Variants in NR1D1 observed in about 807,000 individuals in gnomAD.
NR1D1 encodes the protein nuclear receptor subfamily 1 group D member 1.
A neutral mutation model predicts 51.1 loss-of-function variants in NR1D1; 17 were observed. That is an observed-to-expected ratio of 0.33 (90% CI 0.23 to 0.50). NR1D1 has a LOEUF of 0.50. Ranked by LOEUF, NR1D1 falls within the 20% of genes least tolerant of loss-of-function variation. NR1D1 has a pLI of 0.98. For missense variants in NR1D1, 647 were observed against 830.4 expected (o/e 0.78, Z 2.71); for synonymous variants, 341 against 333.4 (o/e 1.02, Z -0.25).
chr17:40,099,982 C>A (rs1408962036), intron 1 of NR1D1, 82 bp downstream of exon 1: 2 of 1,054,970 alleles, frequency 1.9e-6, no homozygotes, highest in African/African-American at 3.1e-5. Context: ...CAGTCCCTTA[C>A]AAAGTTCCTC....
chr17:40,097,426 G>A (rs767475455), intron 1 of NR1D1, 23 bp from the exon 2 acceptor site: 10 of 1,567,276 alleles, frequency 6.4e-6, no homozygotes, highest in Non-Finnish European at 7.8e-6. Flanking sequence ...CAAAAGGAAA[G>A]GGGGTGTCAG....
rs1339228012 is a variant in NR1D1, at chr17:40,097,199, C to T, written c.236G>A (p.Gly79Asp). ...GSIPPSLSDD[G>D]SPSSSSSSSS... ...CGAGGAAGATGAGGAAGAAGGGGAG[C>T]CGTCATCACTCAGGCTGGGTGGAAT... Residue 79 changes from glycine (G) to aspartate (D), a missense_variant, in exon 2 of 8, where the codon GGC becomes GAC. Around this residue, in one of 7 missense-constraint regions of NR1D1, gnomAD observed 98 missense variants for 94.7 expected, o/e 1.03. Coordinates refer to ENST00000246672, the MANE Select transcript of NR1D1 (RefSeq NM_021724.5). 6.2e-7 allele frequency: 1 copy of T among 1,611,074 alleles called. No individual in the cohort carries two copies. Among genetic ancestry groups the T allele is most frequent in the African/African-American group, 1.3e-5 (1 of 74,832 alleles).
intron 1 of NR1D1, among the ~76,000 whole-genome samples, chr17:40,098,984 G>T (rs971382835): frequency 6.7e-6 from 1 of 149,740 alleles, no homozygotes; most frequent in African/African-American, 2.5e-5. Context: ...GTCAGGAATG[G>T]CTCCATGTTA....
Position 40,093,476 on chromosome 17 carries a change from C to G in NR1D1, c.1646-194G>C. On this transcript the variant is annotated intron_variant, in intron 7 of 7. Coordinates refer to ENST00000246672, the MANE Select transcript of NR1D1 (RefSeq NM_021724.5). This position sits in a 1 kb window ranked among gnomAD's most constrained non-coding sequence, Gnocchi z 5.9. ...GCAGGAGGTGCCTGAAAGCTGGGAG[C>G]GTGGGCTCAGCAGGGCTGGTCACCT... 3.4e-6 allele frequency: 5 copies of G among 1,483,102 alleles called. No individual in the cohort carries two copies. The highest frequency in any genetic ancestry group is 4.5e-6 in the Non-Finnish European group (5 of 1,112,944). The allele number at this position is 1,483,102 out of a possible 1,614,324, so 91.9% of individuals were successfully genotyped here.
At chr17:40,095,235 A>T in intron 5 of NR1D1, 115 bp from the exon 6 acceptor site, 1 of 1,215,822 alleles carries the variant, frequency 8.2e-7, no homozygotes, top group Middle Eastern at 2.9e-4. Flanking sequence ...GCCCTGAAGG[A>T]TGGGTCTTTC....
At chr17:40,099,956 G>A (rs1987844528) in intron 1 of NR1D1, 108 bp downstream of exon 1, 2 of 835,012 alleles carry the variant, frequency 2.4e-6, no homozygotes, top group Admixed American at 1.9e-5. Context: ...GCAAATCTCC[G>A]GGCCGAGGGA....
In NR1D1 at chr17:40,094,116, T is replaced by C. The variant is rs1987695758; in HGVS notation, c.1441A>G (p.Met481Val). The change falls in exon 7 of 8, where the codon ATG becomes GTG. Residue 481 changes from methionine (M) to valine (V), a missense_variant. Physicochemically the swap from Met to Val is conservative, Grantham distance 21. Coordinates refer to ENST00000246672, the MANE Select transcript of NR1D1 (RefSeq NM_021724.5). ...TTGAACAACGAAGCAAAGCGCACCA[T>C]CAGCACCTAGGAGGGAAGGGGAACA... is the stretch of plus-strand genomic sequence containing the variant. ...LLKAGTFEVLMVRFASLFNVK... is the reference protein window; with the variant it reads ...LLKAGTFEVLVVRFASLFNVK... 6.2e-7 allele frequency: 1 copy of C among 1,613,876 alleles called. No individual in the cohort carries two copies. The highest frequency in any genetic ancestry group is 1.1e-5 in the South Asian group (1 of 91,078).
chr17:40,093,553 C>T lies in NR1D1; in HGVS notation c.1646-271G>A, dbSNP rs1225156753. The stretch of plus-strand genomic sequence containing the variant: ...CCTCAGCAGGCCAAACATGGCCAGA[C>T]TCCCTTGCTTTTTGCTGTGTAGTTC... On this transcript the variant is annotated intron_variant, in intron 7 of 7. Coordinates refer to ENST00000246672, the MANE Select transcript of NR1D1 (RefSeq NM_021724.5). This position sits in a 1 kb window ranked among gnomAD's most constrained non-coding sequence, Gnocchi z 5.9. 11 of 1,093,952 alleles carry T rather than the reference C, an allele frequency of 1.0e-5. No homozygotes were observed. Among genetic ancestry groups the T allele is most frequent in the Non-Finnish European group, 1.4e-5 (11 of 784,848 alleles). The allele number at this position is 1,093,952 out of a possible 1,614,324, so 67.8% of individuals were successfully genotyped here.
Position 40,096,678 on chromosome 17 carries a change from C to A in NR1D1, c.459+13G>T. ...GGCCACCTGCCCCTGCCCTTACCCC[C>A]AGTCCGCCTCACCTTGCAGCCCTCG... On this transcript the variant is annotated intron_variant, in intron 3 of 7. Coordinates refer to ENST00000246672, the MANE Select transcript of NR1D1 (RefSeq NM_021724.5). 1 of 1,614,170 alleles carries A rather than the reference C, an allele frequency of 6.2e-7. No homozygotes were observed. The highest frequency in any genetic ancestry group is 8.5e-7 in the Non-Finnish European group (1 of 1,179,986).
Position 40,099,985 on chromosome 17 carries a change from A to G in NR1D1, c.31+79T>C, listed in dbSNP as rs1598404335. 8.4e-6 allele frequency: 9 copies of G among 1,069,732 alleles called. No homozygotes were observed. In the East Asian group the frequency reaches 2.1e-4, roughly 25 times the overall value. 66.3% of individuals were successfully genotyped at this position (1,069,732 alleles called of 1,614,324 possible). On this transcript the variant is annotated intron_variant, in intron 1 of 7. Coordinates refer to ENST00000246672, the MANE Select transcript of NR1D1 (RefSeq NM_021724.5). ...CGAGGGACACCCCAGTCCCTTACAAAGTTCCTCTTTTTATAAGGCGTAGAT... is the reference window on the plus strand; with the variant it reads ...CGAGGGACACCCCAGTCCCTTACAAGGTTCCTCTTTTTATAAGGCGTAGAT...
intron 6 of NR1D1, among the ~76,000 whole-genome samples, chr17:40,094,685 G>A (rs2145099631): frequency 6.6e-6 from 1 of 152,352 alleles, no homozygotes; most frequent in Middle Eastern, 3.4e-3. Context: ...ATCACCTGGG[G>A]TCAGGAGTTT....
In NR1D1 at chr17:40,096,754, A is replaced by G. The variant is rs1180321782; in HGVS notation, c.396T>C (p.Cys132=). 3 of 1,614,132 alleles carry G rather than the reference A, an allele frequency of 1.9e-6. No individual in the cohort carries two copies. Among genetic ancestry groups the G allele is most frequent in the Admixed American group, 1.7e-5 (1 of 60,018 alleles). ...CCGAGGCAACGTCCCCACACACTTT[A>G]CACAGTAACACCATGCCATTCAGCT... The part of the protein sequence containing the change: ...ITKLNGMVLL[C]KVCGDVASGF... Residue 132 remains cysteine (C), a synonymous_variant, in exon 3 of 8, where the codon TGT becomes TGC. Coordinates refer to ENST00000246672, the MANE Select transcript of NR1D1 (RefSeq NM_021724.5).
intron 1 of NR1D1, 32 bp downstream of exon 1, chr17:40,100,032 G>C: frequency 6.5e-7 from 1 of 1,537,932 alleles, no homozygotes; most frequent in South Asian, 1.1e-5. Context: ...GACAGTGACA[G>C]GGAAAAGATG....
Position 40,095,058 on chromosome 17 carries a change from C to T in NR1D1, c.1311G>A (p.Glu437=), listed in dbSNP as rs1987721608. 2 of 1,614,104 alleles carry T rather than the reference C, an allele frequency of 1.2e-6. No homozygotes were observed. Among genetic ancestry groups the T allele is most frequent in the Non-Finnish European group, 1.7e-6 (2 of 1,180,030 alleles). ...CGGGCGTGAAGCTCATGGAGAAATC[C>T]TCCCAGATCTCCTGCACCGTTCGCC... ...RSGRTVQEIW[E]DFSMSFTPAV... Residue 437 remains glutamate (E), a synonymous_variant, in exon 6 of 8, where the codon GAG becomes GAA. Transcript: ENST00000246672.
intron 2 of NR1D1, 63 bp from the exon 3 acceptor site, chr17:40,096,842 G>C: frequency 1.3e-6 from 2 of 1,512,308 alleles, no homozygotes; most frequent in Non-Finnish European, 1.8e-6. Flanking sequence ...CAGGTGTGGA[G>C]GCTTTCTGGG....
chr17:40,096,613 C>T, intron 3 of NR1D1, 26 bp from the exon 4 acceptor site: 1 of 1,613,544 alleles, frequency 6.2e-7, no homozygotes, highest in South Asian at 1.1e-5. Flanking sequence ...GGTTAGTGAC[C>T]ACCTCCATCA....
In NR1D1 at chr17:40,093,626, A is replaced by C; in HGVS notation, c.1645+286T>G. 1 of 692,674 alleles carries C rather than the reference A, an allele frequency of 1.4e-6. No homozygotes were observed. Among genetic ancestry groups the C allele is most frequent in the Non-Finnish European group, 2.4e-6 (1 of 422,944 alleles). 42.9% of individuals were successfully genotyped at this position (692,674 alleles called of 1,614,324 possible). A position where few individuals can be genotyped will look rare whatever the true frequency, so the allele number is the denominator to read the frequency against. On this transcript the variant is annotated intron_variant, in intron 7 of 7. Coordinates refer to ENST00000246672, the MANE Select transcript of NR1D1 (RefSeq NM_021724.5). The surrounding 1 kb of genome is among the most constrained non-coding windows in gnomAD (Gnocchi z 5.9). ...CCCTTTCTCTGCCTGGCAACATCTT[A>C]CTTGTCCTTTGAGGCCCCAACTCAA...
chr17:40,096,482 G>A lies in NR1D1; in HGVS notation c.565C>T (p.Arg189Cys), dbSNP rs1416093822. ...CCCACAGAGAGACACTTCTTGAAGC[G>A]ACATTGCTGGCAGCGGTTGCGATTG... is the stretch of plus-strand genomic sequence containing the variant. ...RINRNRCQQC[R>C]FKKCLSVGMS... The change falls in exon 4 of 8, where the codon CGC becomes TGC. Residue 189 changes from arginine (R) to cysteine (C), a missense_variant. Physicochemically the swap from Arg to Cys is radical, Grantham distance 180 (BLOSUM62 -3). This residue lies in a region of NR1D1 where 70 missense variants were observed against 134.8 expected (regional missense o/e 0.52). Transcript: ENST00000246672. 2.5e-6 allele frequency: 4 copies of A among 1,614,122 alleles called. No homozygotes were observed. The highest frequency in any genetic ancestry group is 3.4e-6 in the Non-Finnish European group (4 of 1,180,054).
chr17:40,100,352 G>C lies in NR1D1; in HGVS notation c.-258C>G, dbSNP rs1987853924. The C allele has an allele frequency of 3.3e-6, 2 of 600,452 alleles. No individual in the cohort carries two copies. The allele number at this position is 600,452 out of a possible 1,614,324, so 37.2% of individuals were successfully genotyped here. A position where few individuals can be genotyped will look rare whatever the true frequency, so the allele number is the denominator to read the frequency against. ...AGTGTGTAGGGGGAATCAGCCTGCA[G>C]TAGTTCTGGCTAGAAGGTAGCAAGG... On this transcript the variant is annotated 5_prime_UTR_variant, in exon 1 of 8. Transcript: ENST00000246672.
Sources: gnomAD v4.1 joint callset for allele counts (sites outside exome capture counted in the v4.1 genomes callset) on GRCh38, gnomAD v4.1.1 for gene constraint, gnomAD v4.1.1 regional missense constraint, Gnocchi (gnomAD v3.1) non-coding constraint, MANE v1.5 for transcripts, NCBI Gene and HGNC (gene_info 2026-07-23, HGNC 2026-07-21) for gene names.